The following GPATCH2L variants were observed in gnomAD, a reference collection of about 807,000 sequenced individuals.
GPATCH2L encodes G patch domain-containing protein 2-like.
GPATCH2L carries 31 observed loss-of-function variants against 57.4 expected under a neutral mutation model. That is an observed-to-expected ratio of 0.54 (90% confidence interval 0.41 to 0.73). The LOEUF is 0.73. Among genes scored for constraint, GPATCH2L ranks in the 30% least tolerant of loss-of-function variants. GPATCH2L has a pLI of 0.00. For missense variants in GPATCH2L, 481 were observed against 599.9 expected (o/e 0.80, Z 2.07); for synonymous variants, 199 against 210.7 (o/e 0.94, Z 0.48).
intron 7 of GPATCH2L, chr14:76,179,178 A>G (rs1251149379): frequency 6.6e-6 from 1 of 152,018 alleles, no homozygotes; most frequent in African/African-American, 2.4e-5. Flanking sequence ...GTGGTAGAAG[A>G]CATAACTGGT....
At chr14:76,199,543 A>G (rs887125304) in intron 9 of GPATCH2L, among the ~76,000 whole-genome samples, 4 of 152,178 alleles carry the variant, frequency 2.6e-5, no homozygotes, top group Non-Finnish European at 5.9e-5. Flanking sequence ...TTTGGATTGT[A>G]TTCCTGTTTT....
At chr14:76,215,480 G>A (rs1354363421), downstream of GPATCH2L, among the ~76,000 whole-genome samples, 3 of 151,492 alleles carry the variant, frequency 2.0e-5, no homozygotes, top group East Asian at 1.9e-4. Context: ...TGTTTATTGC[G>A]GCATTATTCA....
chr14:76,190,114 A>AT (rs58870720), intron 8 of GPATCH2L, among the ~76,000 whole-genome samples: 118,306 of 150,424 alleles, frequency 0.79, 47,059 homozygotes, highest in South Asian at 0.88. Context: ...TTCTCAAAGT[A>AT]TTTTTTTTTC....
intron 2 of GPATCH2L, 125 bp from the exon 3 acceptor site, chr14:76,166,538 T>C (rs2038847387): frequency 5.4e-6 from 3 of 559,078 alleles, no homozygotes; most frequent in African/African-American, 3.8e-5. Flanking sequence ...CCTGATGAAA[T>C]TTACATATCT....
At chr14:76,187,074 G>A (rs1193249156) in intron 8 of GPATCH2L, among the ~76,000 whole-genome samples, 1 of 150,870 alleles carries the variant, frequency 6.6e-6, no homozygotes, top group East Asian at 2.0e-4. Context: ...CATAGGCCTA[G>A]ATCTTTTCCC....
chr14:76,163,172 T>A (rs960652573), intron 2 of GPATCH2L, among the ~76,000 whole-genome samples: 1 of 152,216 alleles, frequency 6.6e-6, no homozygotes, highest in Non-Finnish European at 1.5e-5. Flanking sequence ...TTACTTGCTG[T>A]GTGATCTTGG....
At chr14:76,220,254 A>G (rs1363574003) in intron 1 of GPATCH2L, among the ~76,000 whole-genome samples, 1 of 152,208 alleles carries the variant, frequency 6.6e-6, no homozygotes, top group Non-Finnish European at 1.5e-5. Flanking sequence ...TTAAAAACCT[A>G]ACTATATCTG....
intron 8 of GPATCH2L, among the ~76,000 whole-genome samples, chr14:76,195,344 A>AT (rs918066756): frequency 6.6e-6 from 1 of 152,216 alleles, no homozygotes; most frequent in Middle Eastern, 3.4e-3. Flanking sequence ...TAATATTTTT[A>AT]TTTTTTTACC....
Position 76,171,976 on chromosome 14 carries a change from T to C in GPATCH2L, c.861T>C (p.Phe287=). 6.2e-7 allele frequency: 1 copy of C among 1,613,028 alleles called. No homozygotes were observed. Residue 287 remains phenylalanine, a synonymous_variant, in exon 4 of 10, where the codon TTT becomes TTC. Coordinates refer to ENST00000261530, the MANE Select transcript of GPATCH2L (RefSeq NM_017926.4). ...VERMDSGLDK[F]SDSTFLLPSR... is the part of the protein sequence containing the mutation. ...GAATGGATTCTGGATTGGATAAATT[T>C]TCAGATTCCACATTCCTTTTACCTT...
chr14:76,201,012 A>T lies in GPATCH2L; in HGVS notation c.1289-679A>T, dbSNP rs138538194. ...CTGGCATTCAGCAGATAGGATCCAGATCGGTAAGTGTTCTGAAGTATACAA... is the reference window on the plus strand; with the variant it reads ...CTGGCATTCAGCAGATAGGATCCAGTTCGGTAAGTGTTCTGAAGTATACAA... On this transcript the variant is annotated intron_variant, in intron 9 of 9. Transcript: ENST00000261530. Among the ~76,000 whole-genome samples the T allele has an allele frequency of 3.3e-5, 5 of 152,296 alleles. No homozygotes were observed. In the East Asian group the frequency reaches 9.6e-4, roughly 29 times the overall value.
intron 9 of GPATCH2L, chr14:76,196,183 G>A: frequency 3.0e-6 from 2 of 677,788 alleles, no homozygotes; most frequent in Non-Finnish European, 5.4e-6. Context: ...GCTATCTAGA[G>A]TTTGAAACCC....
intron 8 of GPATCH2L, among the ~76,000 whole-genome samples, chr14:76,189,661 G>A (rs759293168): frequency 6.6e-6 from 1 of 151,974 alleles, no homozygotes; most frequent in Non-Finnish European, 1.5e-5. Flanking sequence ...ATACTTTGAT[G>A]TCTTCCTTTT....
intron 2 of GPATCH2L, among the ~76,000 whole-genome samples, chr14:76,231,977 C>CACTGCAGCCTCACTGCAGCCTG (rs2040568263): frequency 6.6e-6 from 1 of 152,064 alleles, no homozygotes. Context: ...ACTGCAGCCT[C>CACTGCAGCCTCACTGCAGCCTG]ACTGCAGCCT....
At chr14:76,198,464 G>T (rs1423731051) in intron 9 of GPATCH2L, among the ~76,000 whole-genome samples, 1 of 152,182 alleles carries the variant, frequency 6.6e-6, no homozygotes, top group African/African-American at 2.4e-5. Flanking sequence ...TCATCAGAAT[G>T]GTAGATCAGA....
intron 9 of GPATCH2L, among the ~76,000 whole-genome samples, chr14:76,198,845 C>G (rs997191959): frequency 6.6e-6 from 1 of 152,014 alleles, no homozygotes; most frequent in African/African-American, 2.4e-5. Context: ...AATACCTAGC[C>G]CATAGAATAA....
chr14:76,235,285 G>A (rs879871935), intron 2 of GPATCH2L, among the ~76,000 whole-genome samples: 1 of 152,124 alleles, frequency 6.6e-6, no homozygotes, highest in African/African-American at 2.4e-5. Context: ...ACCTTGAATT[G>A]TAATACTTTC....
intron 2 of GPATCH2L, among the ~76,000 whole-genome samples, chr14:76,231,960 A>ATG (rs750700094): frequency 8.0e-3 from 4 of 500 alleles, no homozygotes; most frequent in South Asian, 0.071. Flanking sequence ...TGGGGCAAAC[A>ATG]CATCTCACTG....
intron 3 of GPATCH2L, among the ~76,000 whole-genome samples, chr14:76,169,619 T>G (rs2038998180): frequency 6.6e-6 from 1 of 152,192 alleles, no homozygotes; most frequent in South Asian, 2.1e-4. Flanking sequence ...CTCACAACGT[T>G]CCTTCTAGTT....
intron 8 of GPATCH2L, 45 bp from the exon 9 acceptor site, chr14:76,195,833 A>C (rs2040131314): frequency 7.2e-7 from 1 of 1,390,058 alleles, no homozygotes; most frequent in Middle Eastern, 1.8e-4. Flanking sequence ...TCTTACAATA[A>C]GAATTAAAAA....
Sources: gnomAD v4.1 joint callset for allele counts (sites outside exome capture counted in the v4.1 genomes callset) on GRCh38, gnomAD v4.1.1 for gene constraint, MANE v1.5 for transcripts, NCBI Gene and HGNC (gene_info 2026-07-23, HGNC 2026-07-21) for gene names.